The following BCO1 variants were observed in gnomAD, a reference collection of about 807,000 sequenced individuals.
BCO1 encodes beta,beta-carotene 15,15'-dioxygenase.
In BCO1, 54 loss-of-function variants were observed where a neutral mutation model predicts 56.3. That is an observed-to-expected ratio of 0.96 (90% CI 0.77 to 1.20). The LOEUF is 1.20. BCO1 is among the 50% of genes most tolerant of loss of function. The probability of loss-of-function intolerance (pLI) is 0.00; values close to 1 mark genes in which losing one functional copy is unlikely to be tolerated. For synonymous variants in BCO1, 318 were observed against 266.1 expected (o/e 1.20, Z -1.90); for missense variants, 801 against 690.9 (o/e 1.16, Z -1.79).
chr16:81,280,933 T>C lies in BCO1; in HGVS notation c.1178T>C (p.Val393Ala), dbSNP rs1347211910. The change falls in exon 8 of 11, where the codon GTC (valine) becomes GCC (alanine). Residue 393 changes from valine to alanine, a missense_variant. By Grantham distance (64) the Val-to-Ala change is moderately conservative (BLOSUM62 0). Coordinates refer to ENST00000258168, the MANE Select transcript of BCO1 (RefSeq NM_017429.3). ...ATALKEEDGQ[V>A]YCQPEFLYEG... ...GCCCTGAAGGAAGAAGATGGCCAAG[T>C]CTACTGCCAGCCGGAATTTCTTTAT... The C allele has an allele frequency of 1.9e-5, 30 of 1,613,892 alleles. No individual in the cohort carries two copies. The highest frequency in any genetic ancestry group is 2.5e-5 in the Non-Finnish European group (29 of 1,179,902).
chr16:81,250,494 T>TG (rs531142204), intron 2 of BCO1, among the ~76,000 whole-genome samples: 63 of 150,810 alleles, frequency 4.2e-4, no homozygotes, highest in Non-Finnish European at 7.8e-4. Flanking sequence ...AGAGAACACG[T>TG]GGGGAAGTTG....
intron 2 of BCO1, among the ~76,000 whole-genome samples, chr16:81,248,544 C>T (rs754665153): frequency 6.6e-6 from 1 of 152,092 alleles, no homozygotes; most frequent in Non-Finnish European, 1.5e-5. Context: ...GTGAAAAGCG[C>T]GAGCTCTGAG....
intron 2 of BCO1, among the ~76,000 whole-genome samples, chr16:81,252,231 G>A (rs1905851847): frequency 6.6e-6 from 1 of 151,678 alleles, no homozygotes. Flanking sequence ...CTTTTCTTGT[G>A]TGTGTGGGTG....
Position 81,287,311 on chromosome 16 carries a change from T to G in BCO1, c.1319T>G (p.Ile440Ser). 1 of 1,613,550 alleles carries G rather than the reference T, an allele frequency of 6.2e-7. No individual in the cohort carries two copies. The highest frequency in any genetic ancestry group is 8.5e-7 in the Non-Finnish European group (1 of 1,179,496). ...PIPTKIIKYD[I>S]LTKSSLKWRE... ...GATGTACAGATAATAAAATATGACA[T>G]TCTCACAAAGTCATCCTTAAAATGG... Residue 440 changes from isoleucine (I) to serine (S), a missense_variant, in exon 10 of 11, where the codon ATT (isoleucine) becomes AGT (serine). Coordinates refer to ENST00000258168, the MANE Select transcript of BCO1 (RefSeq NM_017429.3).
chr16:81,261,078 A>G (rs1906455121), intron 3 of BCO1, among the ~76,000 whole-genome samples: 2 of 152,154 alleles, frequency 1.3e-5, no homozygotes, highest in South Asian at 4.1e-4. Context: ...ACATTTGCAA[A>G]TAGGAGGTGT....
intron 5 of BCO1, among the ~76,000 whole-genome samples, chr16:81,265,142 A>C (rs1597360968): frequency 6.6e-6 from 1 of 151,648 alleles, no homozygotes; most frequent in East Asian, 1.9e-4. Context: ...CCATCTATCC[A>C]CCATTCATTC....
At chr16:81,253,042 G>A (rs980908808) in intron 2 of BCO1, among the ~76,000 whole-genome samples, 1 of 152,118 alleles carries the variant, frequency 6.6e-6, no homozygotes, top group Non-Finnish European at 1.5e-5. Context: ...CCAGGAGGTG[G>A]AAGTTGCAGT....
At chr16:81,259,576 A>C in intron 2 of BCO1, 100 bp from the exon 3 acceptor site, 1 of 1,477,714 alleles carries the variant, frequency 6.8e-7, no homozygotes. Flanking sequence ...TAGTGAAATA[A>C]CCACCTTCTT....
chr16:81,277,481 T>C (rs1907627822), intron 7 of BCO1, among the ~76,000 whole-genome samples: 1 of 152,174 alleles, frequency 6.6e-6, no homozygotes, highest in Non-Finnish European at 1.5e-5. Context: ...AACCATTATT[T>C]AATTTAATCC....
At chr16:81,273,639 C>CT (rs59815701) in intron 7 of BCO1, among the ~76,000 whole-genome samples, 48,500 of 146,230 alleles carry the variant, frequency 0.33, 8,400 homozygotes, top group African/African-American at 0.45. Context: ...TTTAAAAATC[C>CT]TTTTTTTTTT....
intron 2 of BCO1, among the ~76,000 whole-genome samples, chr16:81,246,645 G>T (rs142942150): frequency 6.6e-6 from 1 of 152,054 alleles, no homozygotes; most frequent in Non-Finnish European, 1.5e-5. Context: ...AGGGTCGGGA[G>T]TTTGAGACCA....
chr16:81,265,328 C>T (rs1000607124), intron 5 of BCO1, among the ~76,000 whole-genome samples: 40 of 151,088 alleles, frequency 2.6e-4, no homozygotes, highest in Non-Finnish European at 4.4e-4. Context: ...CTCCATCCAT[C>T]CATCTACCCA....
chr16:81,248,004 T>C (rs1042824291), intron 2 of BCO1, among the ~76,000 whole-genome samples: 3 of 152,158 alleles, frequency 2.0e-5, no homozygotes, highest in Admixed American at 6.6e-5. Context: ...GACATATCAA[T>C]AGCGTATCTC....
rs1378982316 is a variant in BCO1, at chr16:81,290,484, C to T, written c.1551C>T (p.Phe517=). Residue 517 remains phenylalanine (F), a synonymous_variant, in exon 11 of 11, where the codon TTC becomes TTT. Transcript: ENST00000258168. ...TGCACATGGATCTCCATGGATTATT[C>T]ATTACAGACATGGACTGGGACACAA... ...VDMHMDLHGL[F]ITDMDWDTKK... is the part of the protein sequence containing the mutation. 6.2e-7 allele frequency: 1 copy of T among 1,614,124 alleles called. No individual in the cohort carries two copies. Among genetic ancestry groups the T allele is most frequent in the East Asian group, 2.2e-5 (1 of 44,884 alleles).
At chr16:81,266,878 G>A (rs985295143) in intron 5 of BCO1, among the ~76,000 whole-genome samples, 31 of 152,170 alleles carry the variant, frequency 2.0e-4, no homozygotes, top group Non-Finnish European at 1.5e-4. Flanking sequence ...GTTTTATAAA[G>A]ACGATAACTA....
intron 7 of BCO1, among the ~76,000 whole-genome samples, 176 bp downstream of exon 7, chr16:81,270,592 A>C (rs899949626): frequency 1.3e-5 from 2 of 151,910 alleles, no homozygotes; most frequent in African/African-American, 4.8e-5. Context: ...ACTTTAGAAA[A>C]TATAGATAAG....
chr16:81,240,513 C>A (rs1263427662), intron 1 of BCO1, among the ~76,000 whole-genome samples: 1 of 152,114 alleles, frequency 6.6e-6, no homozygotes, highest in Non-Finnish European at 1.5e-5. Flanking sequence ...TGAGACCAGC[C>A]TGGCTAACAT....
At chr16:81,255,691 G>C (rs1270344897) in intron 2 of BCO1, among the ~76,000 whole-genome samples, 1 of 151,948 alleles carries the variant, frequency 6.6e-6, no homozygotes, top group East Asian at 1.9e-4. Context: ...ATTTTTAGTA[G>C]AGACAGGGTT....
chr16:81,283,383 A>T (rs1284024417), intron 8 of BCO1, among the ~76,000 whole-genome samples: 5 of 151,902 alleles, frequency 3.3e-5, no homozygotes, highest in African/African-American at 9.7e-5. Context: ...TGAGGTCAAG[A>T]GTTTGAGACC....
Sources: gnomAD v4.1 joint callset for allele counts (sites outside exome capture counted in the v4.1 genomes callset) on GRCh38, gnomAD v4.1.1 for gene constraint, MANE v1.5 for transcripts, NCBI Gene and HGNC (gene_info 2026-07-23, HGNC 2026-07-21) for gene names.